Variants in ZNF507 observed in about 807,000 individuals in gnomAD.
ZNF507 encodes zinc finger protein 507.
ZNF507 carries 29 observed loss-of-function variants against 80.0 expected under a neutral mutation model. The observed-to-expected ratio is 0.36, with a 90% CI of 0.27 to 0.49. ZNF507 has a LOEUF of 0.49. ZNF507 is among the 20% of genes least tolerant of loss of function. The pLI, the probability that ZNF507 is intolerant of heterozygous loss-of-function variation, is 0.98. For missense variants in ZNF507, 1,081 were observed against 1,152.2 expected (o/e 0.94, Z 0.90); for synonymous variants, 462 against 422.5 (o/e 1.09, Z -1.15).
intron 5 of ZNF507, among the ~76,000 whole-genome samples, chr19:32,371,593 A>G (rs960857675): frequency 6.6e-6 from 1 of 151,344 alleles, no homozygotes; most frequent in Non-Finnish European, 1.5e-5. Context: ...TATATTGGTA[A>G]TGTTCTGTGT....
chr19:32,347,133 C>T (rs1213551872), intron 1 of ZNF507, 112 bp from the exon 2 acceptor site: 1 of 152,106 alleles, frequency 6.6e-6, no homozygotes, highest in Non-Finnish European at 1.5e-5. Flanking sequence ...CTCTGAATTT[C>T]TTTTTACATG....
chr19:32,375,442 T>G (rs1340951680), intron 5 of ZNF507, among the ~76,000 whole-genome samples: 1 of 152,224 alleles, frequency 6.6e-6, no homozygotes, highest in African/African-American at 2.4e-5. Flanking sequence ...AAGTCCTCAG[T>G]GTAGTCCATG....
intron 5 of ZNF507, among the ~76,000 whole-genome samples, chr19:32,380,335 A>G (rs577444409): frequency 4.6e-5 from 7 of 152,216 alleles, no homozygotes; most frequent in African/African-American, 1.7e-4. Context: ...AAGCCTGGGC[A>G]ACAGAGCAAG....
At chr19:32,351,089 T>C (rs746152106) in intron 2 of ZNF507, among the ~76,000 whole-genome samples, 13 of 152,308 alleles carry the variant, frequency 8.5e-5, no homozygotes, top group Non-Finnish European at 1.6e-4. Context: ...AACTAGTCTT[T>C]TGAGAGATTG....
chr19:32,363,897 T>C (rs563493868), intron 5 of ZNF507, among the ~76,000 whole-genome samples: 1 of 152,292 alleles, frequency 6.6e-6, no homozygotes, highest in South Asian at 2.1e-4. Context: ...GTCTGGCTGC[T>C]CTGGAGTCAC....
chr19:32,368,858 G>A lies in ZNF507; in HGVS notation c.2360+8240G>A, dbSNP rs1323580587. 2.6e-5 allele frequency among the ~76,000 whole-genome samples: 4 copies of A among 152,138 alleles called. No homozygotes were observed. In the East Asian group the frequency reaches 7.7e-4, roughly 29 times the overall value. On this transcript the variant is annotated intron_variant, in intron 5 of 6. Coordinates refer to ENST00000355898, the MANE Select transcript of ZNF507 (RefSeq NM_001136156.2). ...CTATTGCAAAATTTCTATTGAAATC[G>A]TTGTTTATGTGTTCAAACCAGACTC...
intron 5 of ZNF507, among the ~76,000 whole-genome samples, chr19:32,371,910 A>G (rs760354691): frequency 4.2e-4 from 64 of 152,230 alleles, no homozygotes; most frequent in Admixed American, 9.8e-4. Flanking sequence ...AAGTGCTGGG[A>G]TTACAGGCAT....
chr19:32,364,635 C>T (rs976893993), intron 5 of ZNF507, among the ~76,000 whole-genome samples: 1 of 152,180 alleles, frequency 6.6e-6, no homozygotes, highest in African/African-American at 2.4e-5. Context: ...AGTCTCTAAT[C>T]TCATCCAGGT....
At position 32,345,727 on chromosome 19, in the gene ZNF507, C is replaced by T. The variant is rs2145307694; in HGVS notation, c.-153C>T. 1 of 152,730 alleles carries T rather than the reference C, an allele frequency of 6.5e-6. No homozygotes were observed. Among genetic ancestry groups the T allele is most frequent in the African/African-American group, 2.4e-5 (1 of 41,586 alleles). 9.5% of individuals were successfully genotyped at this position (152,730 alleles called of 1,614,324 possible). ...GCAAGGACGAGGGCGAGGGCACGGC[C>T]GGGTCCTGGCTGGCCAAACGAGGCT... On this transcript the variant is annotated 5_prime_UTR_variant, in exon 1 of 7. Transcript: ENST00000355898.
At position 32,382,706 on chromosome 19, in the gene ZNF507, T is replaced by G. The variant is rs373659044; in HGVS notation, c.2496-11T>G. 1.2e-6 allele frequency: 2 copies of G among 1,610,006 alleles called. No individual in the cohort carries two copies. Among genetic ancestry groups the G allele is most frequent in the Non-Finnish European group, 1.7e-6 (2 of 1,177,562 alleles). ...CTCCTCACGGTGTGCTGTGTTTGTT[T>G]TGTTTTTAAGAGTTCTGGGGAAATC... On this transcript the variant is annotated splice_polypyrimidine_tract_variant and intron_variant, in intron 6 of 6. Coordinates refer to ENST00000355898, the MANE Select transcript of ZNF507 (RefSeq NM_001136156.2).
chr19:32,364,678 T>C (rs1967373996), intron 5 of ZNF507, among the ~76,000 whole-genome samples: 1 of 152,238 alleles, frequency 6.6e-6, no homozygotes, highest in African/African-American at 2.4e-5. Context: ...TTCCTTTTTA[T>C]GGCTGAGTAG....
intron 2 of ZNF507, among the ~76,000 whole-genome samples, chr19:32,351,932 A>G (rs559229895): frequency 6.6e-6 from 1 of 152,186 alleles, no homozygotes; most frequent in Admixed American, 6.5e-5. Context: ...TGGGTATTTT[A>G]TGTTTAGTGA....
At chr19:32,351,197 C>T (rs1157727485) in intron 2 of ZNF507, among the ~76,000 whole-genome samples, 1 of 152,084 alleles carries the variant, frequency 6.6e-6, no homozygotes, top group Admixed American at 6.5e-5. Context: ...CAGTTAGAGA[C>T]AGCTAGTAGC....
Position 32,354,041 on chromosome 19 carries a change from G to GTGCTGAAA in ZNF507, c.1218_1219insATGCTGAA (p.Glu407MetfsTer13). 6.2e-7 allele frequency: 1 copy of GTGCTGAAA among 1,614,160 alleles called. No individual in the cohort carries two copies. The highest frequency in any genetic ancestry group is 8.5e-7 in the Non-Finnish European group (1 of 1,180,040). On this transcript the variant is annotated frameshift_variant, in exon 3 of 7. Transcript: ENST00000355898. LOFTEE classifies it high-confidence loss of function. ...AACGTGATAGTGGAGCGATTGCCAA[G>GTGCTGAAA]TGCTGAAGAAACCCTTTCACAGAAG...
chr19:32,382,668 C>T, intron 6 of ZNF507, 49 bp from the exon 7 acceptor site: 1 of 1,611,312 alleles, frequency 6.2e-7, no homozygotes, highest in Non-Finnish European at 8.5e-7. Context: ...ATCTACTAGT[C>T]CTACATTGTA....
chr19:32,361,666 CTTCCTTCCTTCCT>C (rs1166882712), intron 5 of ZNF507, among the ~76,000 whole-genome samples: 18 of 136,996 alleles, frequency 1.3e-4, no homozygotes, highest in Admixed American at 5.9e-4. Context: ...TCCTTCTTTT[CTTCCTTCCTTCCT>C]TTCCTTCCTT....
In ZNF507 at chr19:32,353,109, C is replaced by G. The variant is rs1407675512; in HGVS notation, c.279C>G (p.Ile93Met). 2.5e-6 allele frequency: 4 copies of G among 1,614,074 alleles called. No individual in the cohort carries two copies. In the African/African-American group the frequency reaches 5.3e-5, roughly 22 times the overall value. The part of the protein sequence containing the change: ...QELCEIPAKV[I>M]QSPAADTRRA... ...TTTGTGAGATTCCGGCTAAAGTAAT[C>G]CAGTCACCTGCTGCTGATACTAGAA... The change falls in exon 3 of 7, where the codon ATC becomes ATG. Residue 93 changes from isoleucine (I) to methionine (M), a missense_variant. By Grantham distance (10) the Ile-to-Met change is conservative (BLOSUM62 1). This residue lies in a region of ZNF507 where 275 missense variants were observed against 303.9 expected (regional missense o/e 0.90). Coordinates refer to ENST00000355898, the MANE Select transcript of ZNF507 (RefSeq NM_001136156.2).
chr19:32,356,933 G>T (rs1967260724), intron 4 of ZNF507, 200 bp downstream of exon 4: 1 of 552,666 alleles, frequency 1.8e-6, no homozygotes, highest in Non-Finnish European at 3.2e-6. Flanking sequence ...GGTCCTAGGT[G>T]AGAAGCCCTA....
chr19:32,356,884 G>A, intron 4 of ZNF507, 151 bp downstream of exon 4: 1 of 646,794 alleles, frequency 1.5e-6, no homozygotes, highest in South Asian at 1.8e-5. Flanking sequence ...CTCTGTTTCT[G>A]AGGAAATGCC....
Sources: gnomAD v4.1 joint callset for allele counts (sites outside exome capture counted in the v4.1 genomes callset) on GRCh38, gnomAD v4.1.1 for gene constraint, gnomAD v4.1.1 regional missense constraint, MANE v1.5 for transcripts, NCBI Gene and HGNC (gene_info 2026-07-23, HGNC 2026-07-21) for gene names.